CORIN: variants seen among roughly 807,000 people sequenced by gnomAD.
CORIN encodes the protein atrial natriuretic peptide-converting enzyme.
In CORIN, 117 loss-of-function variants were observed where a neutral mutation model predicts 125.3. The observed-to-expected ratio is 0.93, with a 90% confidence interval of 0.80 to 1.09. The LOEUF is 1.09. Ranked by LOEUF, CORIN falls within the 50% of genes least tolerant of loss-of-function variation. CORIN has a pLI of 0.00. For synonymous variants in CORIN, 450 were observed against 466.4 expected, an observed-to-expected ratio of 0.96 and a Z score of 0.45; for missense variants, 1,253 against 1,306.7, an observed-to-expected ratio of 0.96 and a Z score of 0.63.
At chr4:47,816,527 A>T (rs959655486) in intron 1 of CORIN, among the ~76,000 whole-genome samples, 2 of 152,202 alleles carry the variant, frequency 1.3e-5, no homozygotes, top group Non-Finnish European at 2.9e-5. Flanking sequence ...CTCCAAGAAG[A>T]TATACAGCTT....
intron 4 of CORIN, among the ~76,000 whole-genome samples, chr4:47,762,561 G>A (rs889495928): frequency 6.6e-6 from 1 of 152,134 alleles, no homozygotes; most frequent in Non-Finnish European, 1.5e-5. Flanking sequence ...CTATCTCTCT[G>A]TGTCTACACT....
At position 47,639,065 on chromosome 4, in the gene CORIN, C is replaced by T. The variant is rs138501690; in HGVS notation, c.2198+2855G>A. ...CAACCCATGAAATTTGGGAGACCTG[C>T]ATTCTTGATAAATTCCCTCCAAAAT... On this transcript the variant is annotated intron_variant, in intron 16 of 21. Coordinates refer to ENST00000273857, the MANE Select transcript of CORIN (RefSeq NM_006587.4). Among the ~76,000 whole-genome samples, 401 of 152,232 alleles carry T rather than the reference C, an allele frequency of 2.6e-3. 5 individuals are homozygous for T. Among genetic ancestry groups the T allele is most frequent in the African/African-American group, 8.9e-3 (368 of 41,542 alleles).
intron 5 of CORIN, among the ~76,000 whole-genome samples, chr4:47,719,526 T>A (rs1727251856): frequency 6.6e-6 from 1 of 152,246 alleles, no homozygotes; most frequent in Non-Finnish European, 1.5e-5. Context: ...TTTCTTCTTA[T>A]AAATAAGAAT....
At chr4:47,740,901 G>A (rs184064866) in intron 5 of CORIN, among the ~76,000 whole-genome samples, 70 of 151,944 alleles carry the variant, frequency 4.6e-4, no homozygotes, top group African/African-American at 1.6e-3. Context: ...ATTTCCATAC[G>A]CAAATGAAAG....
intron 10 of CORIN, among the ~76,000 whole-genome samples, chr4:47,669,240 G>A (rs1409367952): frequency 2.0e-5 from 3 of 152,044 alleles, no homozygotes; most frequent in Non-Finnish European, 4.4e-5. Flanking sequence ...AGATGGGATC[G>A]TTAACTCAAT....
intron 16 of CORIN, among the ~76,000 whole-genome samples, chr4:47,626,868 A>G (rs1182359873): frequency 6.6e-6 from 1 of 152,248 alleles, no homozygotes; most frequent in African/African-American, 2.4e-5. Flanking sequence ...GCAATATAGC[A>G]ATATAAAATA....
At chr4:47,727,666 T>C (rs1727660864) in intron 5 of CORIN, among the ~76,000 whole-genome samples, 1 of 151,952 alleles carries the variant, frequency 6.6e-6, no homozygotes, top group Admixed American at 6.6e-5. Context: ...GAAATAGAAA[T>C]GACTTCAGAG....
chr4:47,829,070 A>G (rs1048582573), intron 1 of CORIN, among the ~76,000 whole-genome samples: 3 of 150,046 alleles, frequency 2.0e-5, no homozygotes, highest in Non-Finnish European at 4.4e-5. Flanking sequence ...AGGCAGGAGA[A>G]TAGCGTGAAC....
chr4:47,808,076 C>G (rs918889270), intron 1 of CORIN, among the ~76,000 whole-genome samples: 9 of 152,152 alleles, frequency 5.9e-5, no homozygotes, highest in African/African-American at 1.9e-4. Flanking sequence ...CTCTTTTTAA[C>G]AAGTCCAAAA....
At chr4:47,607,299 T>G (rs906041782) in intron 19 of CORIN, among the ~76,000 whole-genome samples, 1 of 151,894 alleles carries the variant, frequency 6.6e-6, no homozygotes, top group Non-Finnish European at 1.5e-5. Flanking sequence ...TCCCAGCTAT[T>G]TGGGAGGCTG....
chr4:47,719,279 T>C (rs751169041), intron 5 of CORIN, among the ~76,000 whole-genome samples: 3 of 152,134 alleles, frequency 2.0e-5, no homozygotes, highest in Non-Finnish European at 4.4e-5. Flanking sequence ...CACCAAATTC[T>C]CCATATGTGA....
At chr4:47,806,288 G>T (rs1450210933) in intron 2 of CORIN, among the ~76,000 whole-genome samples, 1 of 152,110 alleles carries the variant, frequency 6.6e-6, no homozygotes, top group Non-Finnish European at 1.5e-5. Flanking sequence ...TATTTAGTAT[G>T]AAAATGTAAG....
chr4:47,616,326 T>C (rs753932090), intron 19 of CORIN, among the ~76,000 whole-genome samples: 17 of 152,120 alleles, frequency 1.1e-4, no homozygotes, highest in Non-Finnish European at 2.4e-4. Context: ...ATTTTTCAAA[T>C]ATGAACAAGT....
At chr4:47,688,653 T>C (rs745368833) in intron 6 of CORIN, among the ~76,000 whole-genome samples, 7 of 152,188 alleles carry the variant, frequency 4.6e-5, no homozygotes, top group African/African-American at 9.6e-5. Context: ...TATACGTTAG[T>C]TCCCTGATTT....
chr4:47,682,222 T>G (rs7675211), intron 7 of CORIN: 79,688 of 151,838 alleles, frequency 0.52, 21,589 homozygotes, highest in Non-Finnish European at 0.59. Context: ...GGCAGGCAAA[T>G]CATGAGCTCA....
At chr4:47,802,629 T>C (rs1248736534) in intron 2 of CORIN, among the ~76,000 whole-genome samples, 1 of 152,186 alleles carries the variant, frequency 6.6e-6, no homozygotes, top group South Asian at 2.1e-4. Context: ...TAAGGTTTTT[T>C]ACTTCAATCC....
intron 6 of CORIN, among the ~76,000 whole-genome samples, chr4:47,684,843 A>G (rs551215735): frequency 6.6e-6 from 1 of 152,326 alleles, no homozygotes; most frequent in East Asian, 1.9e-4. Context: ...AGTCTTCATG[A>G]AAGACATAAA....
At chr4:47,643,119 A>G in intron 15 of CORIN, 27 bp downstream of exon 15, 1 of 1,614,050 alleles carries the variant, frequency 6.2e-7, no homozygotes, top group Non-Finnish European at 8.5e-7. Flanking sequence ...GAGAGAGTAC[A>G]ACAGATGGCA....
At chr4:47,746,582 G>A (rs1379841095) in intron 4 of CORIN, among the ~76,000 whole-genome samples, 1 of 151,730 alleles carries the variant, frequency 6.6e-6, no homozygotes, top group African/African-American at 2.4e-5. Flanking sequence ...TGTTGCCCTG[G>A]CTAGACTGCA....
Sources: gnomAD v4.1 joint callset for allele counts (sites outside exome capture counted in the v4.1 genomes callset) on GRCh38, gnomAD v4.1.1 for gene constraint, MANE v1.5 for transcripts, NCBI Gene and HGNC (gene_info 2026-07-23, HGNC 2026-07-21) for gene names.